Variants in ARHGAP24 observed in about 807,000 individuals in gnomAD.
ARHGAP24 encodes rho GTPase-activating protein 24.
In ARHGAP24, 50 loss-of-function variants were observed where a neutral mutation model predicts 76.4. The observed-to-expected ratio is 0.65, with a 90% CI of 0.52 to 0.83. ARHGAP24 has a LOEUF of 0.83. ARHGAP24 is among the 40% of genes least tolerant of loss of function. The probability of loss-of-function intolerance (pLI) is 0.00; values close to 1 mark genes in which losing one functional copy is unlikely to be tolerated. For synonymous variants in ARHGAP24, 345 were observed against 323.3 expected (o/e 1.07, Z -0.72); for missense variants, 930 against 914.2 (o/e 1.02, Z -0.22).
intron 3 of ARHGAP24, among the ~76,000 whole-genome samples, chr4:85,846,931 A>C (rs2110156003): frequency 6.6e-6 from 1 of 152,340 alleles, no homozygotes; most frequent in Middle Eastern, 3.4e-3. Flanking sequence ...ACTCATACAA[A>C]GACTAGAGTA....
intron 2 of ARHGAP24, among the ~76,000 whole-genome samples, chr4:85,681,777 C>T (rs1723212403): frequency 1.3e-5 from 2 of 152,218 alleles, no homozygotes; most frequent in South Asian, 4.1e-4. Context: ...GGACAGAAGT[C>T]ATGCCTTTTA....
rs772099557 is a variant in ARHGAP24 at position 85,721,923 on chromosome 4, T to A, written c.219T>A (p.His73Gln). ...IFLPGNKVSE[H>Q]PCNEENPGKF... is the part of the protein sequence containing the mutation. ...TGCCTGGAAATAAAGTTTCTGAGCA[T>A]CCCTGCAATGAAGAGAACCCAGGGA... Residue 73 changes from histidine to glutamine, a missense_variant, in exon 3 of 10, where the codon CAT becomes CAA. By Grantham distance (24) the His-to-Gln change is conservative. Transcript: ENST00000395184. The A allele has an allele frequency of 2.5e-6, 4 of 1,613,574 alleles. No homozygotes were observed. The highest frequency in any genetic ancestry group is 3.4e-6 in the Non-Finnish European group (4 of 1,179,676).
chr4:85,503,346 C>T (rs1450453978), intron 1 of ARHGAP24, among the ~76,000 whole-genome samples: 2 of 152,120 alleles, frequency 1.3e-5, no homozygotes, highest in African/African-American at 4.8e-5. Flanking sequence ...CCATCTGGTC[C>T]TGGACTTTTT....
At chr4:85,996,830 A>G (rs191681870) in intron 9 of ARHGAP24, among the ~76,000 whole-genome samples, 1 of 152,322 alleles carries the variant, frequency 6.6e-6, no homozygotes, top group Admixed American at 6.5e-5. Flanking sequence ...CTGCCAATCC[A>G]TGATGATAAA....
intron 3 of ARHGAP24, among the ~76,000 whole-genome samples, chr4:85,921,080 A>T (rs1735696023): frequency 1.3e-5 from 2 of 152,270 alleles, no homozygotes; most frequent in Non-Finnish European, 2.9e-5. Flanking sequence ...ATGCACACAT[A>T]TGTGCATTTC....
intron 5 of ARHGAP24, among the ~76,000 whole-genome samples, chr4:85,956,348 A>G (rs1737898869): frequency 6.6e-6 from 1 of 152,182 alleles, no homozygotes; most frequent in South Asian, 2.1e-4. Context: ...GTGTGACAAA[A>G]TTTGATAACT....
At chr4:85,495,094 C>CAAAAA (rs77619824) in intron 1 of ARHGAP24, among the ~76,000 whole-genome samples, 26 of 70,636 alleles carry the variant, frequency 3.7e-4, no homozygotes, top group African/African-American at 1.1e-3. Context: ...GACTCCGTCT[C>CAAAAA]AAAAAAAAAA....
chr4:85,687,989 T>C (rs1723491125), intron 2 of ARHGAP24, among the ~76,000 whole-genome samples: 1 of 152,016 alleles, frequency 6.6e-6, no homozygotes, highest in African/African-American at 2.4e-5. Context: ...TTTTTTGTAT[T>C]TTTAGTAGAG....
intron 1 of ARHGAP24, among the ~76,000 whole-genome samples, chr4:85,502,072 A>G (rs190087900): frequency 1.3e-5 from 2 of 152,130 alleles, no homozygotes; most frequent in East Asian, 1.9e-4. Flanking sequence ...GTTCTGTTCC[A>G]TTGGTCTATA....
chr4:85,955,012 A>AACAT (rs1553946949), intron 5 of ARHGAP24, among the ~76,000 whole-genome samples: 11 of 149,052 alleles, frequency 7.4e-5, no homozygotes, highest in South Asian at 2.1e-4. Flanking sequence ...CTCTGTCTCA[A>AACAT]AAATAAATAA....
intron 2 of ARHGAP24, among the ~76,000 whole-genome samples, chr4:85,624,531 A>G (rs555101976): frequency 2.8e-4 from 43 of 152,254 alleles, no homozygotes; most frequent in Non-Finnish European, 5.9e-5. Context: ...CATCAAGGAT[A>G]TTGGTCTAAA....
intron 2 of ARHGAP24, among the ~76,000 whole-genome samples, chr4:85,704,451 A>G (rs950544324): frequency 2.0e-5 from 3 of 152,126 alleles, no homozygotes; most frequent in African/African-American, 4.8e-5. Flanking sequence ...ATAGTTTTGG[A>G]ATGGAGGCCA....
chr4:85,877,436 G>C (rs999495840), intron 3 of ARHGAP24, among the ~76,000 whole-genome samples: 1 of 152,090 alleles, frequency 6.6e-6, no homozygotes, highest in Non-Finnish European at 1.5e-5. Flanking sequence ...ACCAGCCTGG[G>C]CAACATTGCA....
At chr4:85,848,082 A>G (rs1730990618) in intron 3 of ARHGAP24, among the ~76,000 whole-genome samples, 1 of 152,166 alleles carries the variant, frequency 6.6e-6, no homozygotes, top group Non-Finnish European at 1.5e-5. Flanking sequence ...GTGAGGCAGT[A>G]CTATTTCTGT....
intron 4 of ARHGAP24, chr4:85,930,545 C>A: frequency 9.8e-7 from 1 of 1,021,562 alleles, no homozygotes; most frequent in Non-Finnish European, 1.2e-6. Context: ...GAATCTCAGT[C>A]CAGCTGAGAA....
At chr4:85,894,562 A>T (rs1467989859) in intron 3 of ARHGAP24, among the ~76,000 whole-genome samples, 1 of 152,244 alleles carries the variant, frequency 6.6e-6, no homozygotes, top group Admixed American at 6.5e-5. Context: ...AACTCTAAGC[A>T]AAGTTGAATC....
intron 2 of ARHGAP24, among the ~76,000 whole-genome samples, chr4:85,641,020 TA>T (rs5859987): frequency 0.58 from 87,426 of 151,942 alleles, 25,953 homozygotes; most frequent in Non-Finnish European, 0.64. Flanking sequence ...AAAAGAAATT[TA>T]CTTAAGTTAT....
At chr4:85,588,762 T>A (rs1170989179) in intron 2 of ARHGAP24, among the ~76,000 whole-genome samples, 1 of 152,230 alleles carries the variant, frequency 6.6e-6, no homozygotes, top group Non-Finnish European at 1.5e-5. Context: ...AATTTTTATT[T>A]GATTTCTAAG....
chr4:85,740,606 G>A (rs1424867505), intron 3 of ARHGAP24, among the ~76,000 whole-genome samples: 3 of 152,122 alleles, frequency 2.0e-5, no homozygotes, highest in East Asian at 1.9e-4. Context: ...TTTATTTACT[G>A]TCATATACTG....
Sources: allele counts gnomAD v4.1 joint callset (sites outside exome capture counted in the v4.1 genomes callset), GRCh38; gene constraint gnomAD v4.1.1; transcripts MANE v1.5; gene names NCBI Gene and HGNC (gene_info 2026-07-23, HGNC 2026-07-21).